The following RBMS1 variants were observed in gnomAD, a reference collection of about 807,000 sequenced individuals.
RBMS1 encodes the protein RNA binding motif single stranded interacting protein 1, also known as RNA-binding motif, single-stranded-interacting protein 1.
A neutral mutation model predicts 62.3 loss-of-function variants in RBMS1; 17 were observed. The ratio of observed to expected loss-of-function variants is 0.27; its 90% CI spans 0.19 to 0.41. The LOEUF (loss-of-function observed/expected upper bound fraction) is 0.41, where lower values mean the gene tolerates loss of function less well. RBMS1 is among the 10% of genes least tolerant of loss of function. RBMS1 has a pLI of 1.00. For missense variants in RBMS1, 334 were observed against 504.5 expected (o/e 0.66, Z 3.24); for synonymous variants, 172 against 170.0 (o/e 1.01, Z -0.09).
intron 2 of RBMS1, among the ~76,000 whole-genome samples, chr2:160,326,237 A>G (rs548612081): frequency 1.3e-5 from 2 of 152,366 alleles, no homozygotes; most frequent in South Asian, 4.1e-4. Context: ...AAAAATATTT[A>G]TAGCATGTTT....
chr2:160,484,591 C>A (rs1022044825), intron 1 of RBMS1, among the ~76,000 whole-genome samples: 4 of 146,072 alleles, frequency 2.7e-5, no homozygotes, highest in African/African-American at 1.0e-4. Flanking sequence ...GAAGCATTGG[C>A]CGGGCGCGGT....
chr2:160,471,691 G>GTATATATATATATA (rs368982549), intron 1 of RBMS1, among the ~76,000 whole-genome samples: 806 of 65,834 alleles, frequency 0.012, 35 homozygotes, highest in South Asian at 0.049. Flanking sequence ...ATCCTTTGGT[G>GTATATATATATATA]TATATATATA....
At chr2:160,410,179 G>A (rs1253083924) in intron 1 of RBMS1, among the ~76,000 whole-genome samples, 2 of 125,612 alleles carry the variant, frequency 1.6e-5, no homozygotes, top group South Asian at 2.7e-4. Context: ...CCGAGATCAC[G>A]CCGCTGCACC....
intron 2 of RBMS1, among the ~76,000 whole-genome samples, chr2:160,355,839 T>C (rs1044688570): frequency 3.3e-5 from 5 of 152,102 alleles, no homozygotes; most frequent in Non-Finnish European, 7.4e-5. Context: ...ATCTACATTA[T>C]GTGTGAAGTT....
At chr2:160,484,779 G>A (rs1360809874) in intron 1 of RBMS1, among the ~76,000 whole-genome samples, 3 of 151,424 alleles carry the variant, frequency 2.0e-5, no homozygotes, top group Admixed American at 1.3e-4. Context: ...GCTGAGGCAG[G>A]AGAATGGCGT....
At chr2:160,476,544 C>T (rs1685135454) in intron 1 of RBMS1, among the ~76,000 whole-genome samples, 1 of 147,392 alleles carries the variant, frequency 6.8e-6, no homozygotes, top group Admixed American at 6.9e-5. Context: ...CTGAACAAAA[C>T]ACACTTCTTT....
At chr2:160,281,422 T>G in intron 9 of RBMS1, 58 bp from the exon 10 acceptor site, 1 of 1,297,106 alleles carries the variant, frequency 7.7e-7, no homozygotes, top group Non-Finnish European at 1.1e-6. Flanking sequence ...CTTACCTATT[T>G]CTTTAGAACT....
At chr2:160,490,478 T>C (rs1685776002) in intron 1 of RBMS1, among the ~76,000 whole-genome samples, 1 of 152,144 alleles carries the variant, frequency 6.6e-6, no homozygotes, top group Admixed American at 6.5e-5. Context: ...ATATTACTTT[T>C]TCTAATGATT....
chr2:160,453,766 G>A (rs1207713595), intron 1 of RBMS1, among the ~76,000 whole-genome samples: 1 of 152,020 alleles, frequency 6.6e-6, no homozygotes, highest in East Asian at 1.9e-4. Flanking sequence ...TATCTTTCTC[G>A]TGTCATCTCC....
chr2:160,454,722 C>T (rs1283526700), intron 1 of RBMS1, among the ~76,000 whole-genome samples: 1 of 152,152 alleles, frequency 6.6e-6, no homozygotes, highest in East Asian at 1.9e-4. Context: ...AAAGAGTCTG[C>T]ACTTTCTTGT....
rs147299305 is a variant in RBMS1 at position 160,273,655 on chromosome 2, T to C, written c.*1117A>G. On this transcript the variant is annotated 3_prime_UTR_variant, in exon 14 of 14. Transcript: ENST00000348849. The stretch of plus-strand genomic sequence containing the variant: ...TGCCAGATTTCAGGCATAATTCTCA[T>C]TCTAAAGCACTATCATTAGTATAAA... 7.2e-5 allele frequency: 11 copies of C among 152,312 alleles called. No homozygotes were observed. Among genetic ancestry groups the C allele is most frequent in the Admixed American group, 1.3e-4 (2 of 15,300 alleles). 9.4% of individuals were successfully genotyped at this position (152,312 alleles called of 1,614,324 possible).
chr2:160,452,175 T>A (rs1684018770), intron 1 of RBMS1, among the ~76,000 whole-genome samples: 1 of 152,040 alleles, frequency 6.6e-6, no homozygotes, highest in African/African-American at 2.4e-5. Flanking sequence ...GAAGGCTCTA[T>A]GGAATTACTG....
intron 2 of RBMS1, among the ~76,000 whole-genome samples, chr2:160,343,230 A>G (rs936632815): frequency 1.3e-5 from 2 of 152,212 alleles, no homozygotes; most frequent in African/African-American, 4.8e-5. Context: ...CTTCTAGTGA[A>G]TATTTCTAAA....
intron 1 of RBMS1, among the ~76,000 whole-genome samples, chr2:160,381,354 A>C (rs1694275790): frequency 6.6e-6 from 1 of 152,192 alleles, no homozygotes; most frequent in South Asian, 2.1e-4. Context: ...CCTTAAAAAT[A>C]GTTTAATAAG....
intron 1 of RBMS1, among the ~76,000 whole-genome samples, chr2:160,487,136 T>C (rs1685631501): frequency 6.6e-6 from 1 of 152,228 alleles, no homozygotes; most frequent in East Asian, 1.9e-4. Context: ...TAAAAGAATT[T>C]ATACAGCAGA....
intron 2 of RBMS1, among the ~76,000 whole-genome samples, chr2:160,338,601 A>G (rs1418895250): frequency 6.6e-6 from 1 of 152,192 alleles, no homozygotes; most frequent in Non-Finnish European, 1.5e-5. Context: ...TGCTATCTAT[A>G]TATCTTTTTC....
chr2:160,285,149 G>A, intron 7 of RBMS1, 105 bp from the exon 8 acceptor site: 2 of 1,113,950 alleles, frequency 1.8e-6, no homozygotes, highest in Non-Finnish European at 1.4e-6. Flanking sequence ...CCCAGCTGCT[G>A]GGGAGGCTGA....
chr2:160,480,754 A>G lies in RBMS1; in HGVS notation c.75+12535T>C, dbSNP rs1007540738. Among the ~76,000 whole-genome samples the G allele has an allele frequency of 6.0e-4, 91 of 152,158 alleles. 1 individual carries two copies. Among genetic ancestry groups the G allele is most frequent in the Admixed American group, 8.5e-4 (13 of 15,276 alleles). On this transcript the variant is annotated intron_variant, in intron 1 of 13. Coordinates refer to ENST00000348849, the MANE Select transcript of RBMS1 (RefSeq NM_016836.4). The stretch of plus-strand genomic sequence containing the variant: ...CAAAGAACCTAGAATAGTTAAGACC[A>G]CTTTGGAGAATACGCACTTACTATA...
At chr2:160,453,744 C>T (rs1291687751) in intron 1 of RBMS1, among the ~76,000 whole-genome samples, 2 of 152,160 alleles carry the variant, frequency 1.3e-5, no homozygotes, top group Non-Finnish European at 1.5e-5. Context: ...GACCCAGAAC[C>T]TACATCCAGT....
Sources: gnomAD v4.1 joint callset for allele counts (sites outside exome capture counted in the v4.1 genomes callset) on GRCh38, gnomAD v4.1.1 for gene constraint, MANE v1.5 for transcripts, NCBI Gene and HGNC (gene_info 2026-07-23, HGNC 2026-07-21) for gene names.